FHIT: variants seen among roughly 807,000 people sequenced by gnomAD.
FHIT encodes the protein bis(5'-adenosyl)-triphosphatase.
A neutral mutation model predicts 17.9 loss-of-function variants in FHIT; 19 were observed. The ratio of observed to expected loss-of-function variants is 1.06; its 90% CI spans 0.74 to 1.56. FHIT has a LOEUF of 1.56. Among genes scored for constraint, FHIT ranks in the 40% most tolerant of loss-of-function variants. The pLI is 0.00. For missense variants in FHIT, 248 were observed against 189.2 expected (o/e 1.31, Z -1.82); for synonymous variants, 81 against 69.7 (o/e 1.16, Z -0.81).
intron 8 of FHIT, among the ~76,000 whole-genome samples, chr3:59,842,860 G>C (rs115602866): frequency 0.021 from 3,249 of 152,150 alleles, 121 homozygotes; most frequent in African/African-American, 0.074. Context: ...TCTGTGGGTT[G>C]CCTTTTTACT....
chr3:60,648,676 CT>C (rs2039920114), intron 4 of FHIT, among the ~76,000 whole-genome samples: 1 of 152,202 alleles, frequency 6.6e-6, no homozygotes, highest in African/African-American at 2.4e-5. Context: ...ACTCCTGTTG[CT>C]TTTCTTGTTC....
At chr3:60,242,835 A>G (rs946396668) in intron 5 of FHIT, among the ~76,000 whole-genome samples, 4 of 151,902 alleles carry the variant, frequency 2.6e-5, no homozygotes, top group African/African-American at 9.7e-5. Context: ...ATATGTTCAT[A>G]TATATATATT....
chr3:60,911,825 G>A (rs1196692102), intron 3 of FHIT, among the ~76,000 whole-genome samples: 5 of 152,128 alleles, frequency 3.3e-5, no homozygotes, highest in Admixed American at 6.5e-5. Flanking sequence ...GAAGCAAAGG[G>A]AGGGGGTAAA....
At chr3:60,286,458 A>G (rs1707735385) in intron 5 of FHIT, among the ~76,000 whole-genome samples, 1 of 152,166 alleles carries the variant, frequency 6.6e-6, no homozygotes, top group Non-Finnish European at 1.5e-5. Flanking sequence ...AAGGGAATTG[A>G]ATTTTTAAAA....
intron 8 of FHIT, among the ~76,000 whole-genome samples, chr3:59,791,039 T>C (rs1699534721): frequency 6.6e-6 from 1 of 152,184 alleles, no homozygotes; most frequent in Non-Finnish European, 1.5e-5. Flanking sequence ...TGACTTTGCC[T>C]GGGCTCCATT....
At chr3:60,128,349 T>A (rs1035596245) in intron 5 of FHIT, among the ~76,000 whole-genome samples, 25 of 152,172 alleles carry the variant, frequency 1.6e-4, no homozygotes, top group Admixed American at 1.5e-3. Context: ...GACTTGACCT[T>A]TCACTTGGCT....
intron 8 of FHIT, among the ~76,000 whole-genome samples, chr3:59,850,116 G>A (rs1701875239): frequency 9.9e-5 from 15 of 152,102 alleles, no homozygotes; most frequent in Admixed American, 9.8e-4. Flanking sequence ...AAATTAGAAA[G>A]GTGAAGCCCT....
chr3:60,768,466 A>G (rs1489323021), intron 4 of FHIT, among the ~76,000 whole-genome samples: 1 of 152,230 alleles, frequency 6.6e-6, no homozygotes. Flanking sequence ...AAAGCTATTT[A>G]GTATCTACGG....
chr3:59,973,507 T>C (rs1022857393), intron 7 of FHIT, among the ~76,000 whole-genome samples: 4 of 152,134 alleles, frequency 2.6e-5, no homozygotes, highest in Admixed American at 6.6e-5. Context: ...CCCAATTCAA[T>C]CATGTTTTAA....
At chr3:60,649,889 A>G (rs1165976598) in intron 4 of FHIT, among the ~76,000 whole-genome samples, 1 of 152,206 alleles carries the variant, frequency 6.6e-6, no homozygotes, top group African/African-American at 2.4e-5. Flanking sequence ...GCAGACGTCA[A>G]CCAGGGCCTA....
chr3:60,228,482 A>G (rs1485318552), intron 5 of FHIT, among the ~76,000 whole-genome samples: 3 of 152,188 alleles, frequency 2.0e-5, no homozygotes, highest in Admixed American at 1.3e-4. Flanking sequence ...TATGTGAATT[A>G]TATCTACTAA....
At chr3:60,039,829 A>T (rs1408704765) in intron 5 of FHIT, among the ~76,000 whole-genome samples, 1 of 152,180 alleles carries the variant, frequency 6.6e-6, no homozygotes, top group Non-Finnish European at 1.5e-5. Context: ...TTTCTGAGCC[A>T]TCTTAACTTT....
chr3:60,793,424 ACCCTAGTGGTTGG>A (rs1700858054), intron 4 of FHIT, among the ~76,000 whole-genome samples: 1 of 151,602 alleles, frequency 6.6e-6, no homozygotes, highest in Non-Finnish European at 1.5e-5. Context: ...TACCTCAGCC[ACCCTAGTGGTTGG>A]GATTACAGGT....
intron 3 of FHIT, among the ~76,000 whole-genome samples, chr3:60,824,301 C>T (rs727346): frequency 0.058 from 8,834 of 152,172 alleles, 302 homozygotes; most frequent in South Asian, 0.11. Context: ...AAAGGATTTG[C>T]AATAGATTGC....
chr3:60,709,936 A>T (rs965367024), intron 4 of FHIT, among the ~76,000 whole-genome samples: 1 of 152,184 alleles, frequency 6.6e-6, no homozygotes, highest in Admixed American at 6.5e-5. Flanking sequence ...TCATGCAGAA[A>T]AATAGTGTTC....
At chr3:60,438,488 G>A (rs116590857) in intron 5 of FHIT, among the ~76,000 whole-genome samples, 4,834 of 152,140 alleles carry the variant, frequency 0.032, 107 homozygotes, top group Middle Eastern at 0.075. Flanking sequence ...GTCTCTCAGG[G>A]TGTACTGTCT....
intron 5 of FHIT, among the ~76,000 whole-genome samples, chr3:60,523,643 G>A (rs1253116119): frequency 1.3e-5 from 2 of 152,122 alleles, no homozygotes; most frequent in Non-Finnish European, 2.9e-5. Context: ...GCAAGACAGT[G>A]GCATATACAA....
intron 1 of FHIT, among the ~76,000 whole-genome samples, chr3:61,209,782 T>G (rs1287036140): frequency 4.6e-5 from 7 of 152,246 alleles, no homozygotes; most frequent in Non-Finnish European, 8.8e-5. Context: ...TCGGAGTAGT[T>G]TGATCATCTG....
At chr3:59,817,768 C>G (rs1319446857) in intron 8 of FHIT, among the ~76,000 whole-genome samples, 2 of 152,142 alleles carry the variant, frequency 1.3e-5, no homozygotes, top group East Asian at 3.9e-4. Flanking sequence ...TCTCTCCAAT[C>G]CAGATTCCTT....
Sources: allele counts gnomAD v4.1 joint callset (sites outside exome capture counted in the v4.1 genomes callset), GRCh38; gene constraint gnomAD v4.1.1; transcripts MANE v1.5; gene names NCBI Gene and HGNC (gene_info 2026-07-23, HGNC 2026-07-21).